The following OPCML variants were observed in gnomAD, a reference collection of about 807,000 sequenced individuals.
The protein encoded by OPCML is opioid-binding protein/cell adhesion molecule.
Under a neutral mutation model 37.8 loss-of-function variants are expected in OPCML, and 13 were observed. That is an observed-to-expected ratio of 0.34 (90% CI 0.22 to 0.55). The LOEUF (loss-of-function observed/expected upper bound fraction) is 0.55, where lower values mean the gene tolerates loss of function less well. Among genes scored for constraint, OPCML ranks in the 20% least tolerant of loss-of-function variants. The pLI, the probability that OPCML is intolerant of heterozygous loss-of-function variation, is 0.91. For synonymous variants in OPCML, 176 were observed against 168.8 expected, an observed-to-expected ratio of 1.04 and a Z score of -0.33; for missense variants, 341 against 435.6, an observed-to-expected ratio of 0.78 and a Z score of 1.93.
At chr11:132,491,623 G>T (rs770012930) in intron 4 of OPCML, among the ~76,000 whole-genome samples, 14 of 152,144 alleles carry the variant, frequency 9.2e-5, no homozygotes, top group Non-Finnish European at 1.8e-4. Flanking sequence ...ATTAATCATT[G>T]CCTGAAACTA....
intron 1 of OPCML, among the ~76,000 whole-genome samples, chr11:133,140,921 ACGACGACGACGAAGAAGAAGAAGACGAC>A (rs1949791614): frequency 5.2e-5 from 1 of 19,278 alleles, no homozygotes; most frequent in African/African-American, 9.6e-5. Context: ...GAAGAAGAAG[ACGACGACGACGAAGAAGAAGAAGACGAC>A]GAAGAAGAAG....
At chr11:133,488,118 A>C (rs757506154) in intron 1 of OPCML, among the ~76,000 whole-genome samples, 21 of 152,204 alleles carry the variant, frequency 1.4e-4, no homozygotes, top group Non-Finnish European at 2.4e-4. Context: ...ACACACCTCA[A>C]CATAATAAAG....
intron 1 of OPCML, among the ~76,000 whole-genome samples, chr11:133,390,224 C>T (rs967644354): frequency 6.6e-6 from 1 of 152,160 alleles, no homozygotes; most frequent in Non-Finnish European, 1.5e-5. Flanking sequence ...TTTTGGGAGG[C>T]CGAGGCGGAC....
At chr11:133,004,060 C>T (rs536586337) in intron 1 of OPCML, 19 of 985,354 alleles carry the variant, frequency 1.9e-5, no homozygotes, top group African/African-American at 1.2e-4. Context: ...AAGGAGGAAG[C>T]GAAGAGGCAA....
In OPCML at chr11:133,030,814, A is replaced by G. The variant is rs144025336; in HGVS notation, c.62-87804T>C. Among the ~76,000 whole-genome samples the G allele has an allele frequency of 7.9e-3, 1,201 of 152,198 alleles. 6 individuals carry two copies. Among genetic ancestry groups the G allele is most frequent in the Admixed American group, 0.013 (200 of 15,284 alleles). On this transcript the variant is annotated intron_variant, in intron 1 of 7. Transcript: ENST00000524381. Reference sequence around the variant, plus strand: ...TGAACTCCTGCCATTTTTTTCCTTAATGAATTTCACCCTACCAAGAAGGGG... The same window carrying G: ...TGAACTCCTGCCATTTTTTTCCTTAGTGAATTTCACCCTACCAAGAAGGGG...
In OPCML at chr11:133,422,381, A is replaced by G; in HGVS notation, c.61+109883T>C. ...TTTTCTCTCAGACCAAAGACATTAT[A>G]TATATATATATATGTATATATGCGC... is the stretch of plus-strand genomic sequence containing the variant. On this transcript the variant is annotated intron_variant, in intron 1 of 7. Transcript: ENST00000524381. The G allele has an allele frequency of 4.3e-6, 4 of 923,916 alleles. 1 individual carries two copies. The South Asian group carries it at 2.0e-4, about 46-fold the overall frequency. 57.2% of individuals were successfully genotyped at this position (923,916 alleles called of 1,614,324 possible).
intron 1 of OPCML, among the ~76,000 whole-genome samples, chr11:132,952,200 A>T (rs1212745976): frequency 6.6e-6 from 1 of 152,166 alleles, no homozygotes; most frequent in East Asian, 1.9e-4. Flanking sequence ...ATGGTGGCTT[A>T]GCTTGAAGAA....
chr11:133,198,588 G>T (rs1206528409), intron 1 of OPCML, among the ~76,000 whole-genome samples: 1 of 152,240 alleles, frequency 6.6e-6, no homozygotes, highest in East Asian at 1.9e-4. Flanking sequence ...CAAGAGGGCA[G>T]CATGGGAACA....
chr11:133,027,489 G>GTGTA lies in OPCML; in HGVS notation c.62-84480_62-84479insTACA, dbSNP rs552362808. Reference sequence around the variant, plus strand: ...CTATGTAGTGTGTGTGTGTGTGTGTGTTGTGTGTGTGTGTGTGTAGTGCGG... The same window carrying GTGTA: ...CTATGTAGTGTGTGTGTGTGTGTGTGTGTATTGTGTGTGTGTGTGTGTAGTGCGG... On this transcript the variant is annotated intron_variant, in intron 1 of 7. Transcript: ENST00000524381. Among the ~76,000 whole-genome samples, 400 of 148,246 alleles carry GTGTA rather than the reference G, an allele frequency of 2.7e-3. 2 individuals are homozygous for GTGTA. The highest frequency in any genetic ancestry group is 3.6e-3 in the Admixed American group (54 of 14,916).
At chr11:133,513,129 A>T (rs1444449731) in intron 1 of OPCML, among the ~76,000 whole-genome samples, 6 of 152,134 alleles carry the variant, frequency 3.9e-5, no homozygotes, top group African/African-American at 1.4e-4. Context: ...ATATGAAGAG[A>T]GATGCACCAT....
intron 2 of OPCML, among the ~76,000 whole-genome samples, chr11:132,830,267 C>T (rs762849321): frequency 3.3e-5 from 5 of 152,138 alleles, no homozygotes; most frequent in African/African-American, 4.8e-5. Context: ...TTAAACCATG[C>T]CAACTTCTCT....
intron 1 of OPCML, among the ~76,000 whole-genome samples, chr11:133,129,015 G>C (rs1477796889): frequency 6.6e-6 from 1 of 152,172 alleles, no homozygotes; most frequent in Non-Finnish European, 1.5e-5. Context: ...AGGTCCGCGA[G>C]AGCTGGAAAA....
At chr11:132,667,616 A>G (rs1488710380) in intron 2 of OPCML, among the ~76,000 whole-genome samples, 2 of 152,264 alleles carry the variant, frequency 1.3e-5, no homozygotes, top group South Asian at 2.1e-4. Context: ...TATCTGCTCT[A>G]TAAGAGAAGA....
At chr11:132,617,943 C>A (rs527918295) in intron 3 of OPCML, among the ~76,000 whole-genome samples, 1 of 152,194 alleles carries the variant, frequency 6.6e-6, no homozygotes, top group African/African-American at 2.4e-5. Context: ...TTTGGGTGAA[C>A]CTAATTCAGT....
chr11:132,569,082 C>T (rs1399443203), intron 3 of OPCML, among the ~76,000 whole-genome samples: 1 of 152,210 alleles, frequency 6.6e-6, no homozygotes, highest in African/African-American at 2.4e-5. Flanking sequence ...TCGGCACTCG[C>T]CTGCGGTCGG....
chr11:132,437,312 T>A lies in OPCML; in HGVS notation c.553A>T (p.Ile185Phe). Residue 185 changes from isoleucine (I) to phenylalanine (F), a missense_variant, in exon 5 of 8, where the codon ATC becomes TTC. Ile to Phe is a conservative substitution (Grantham distance 21). Coordinates refer to ENST00000524381, the MANE Select transcript of OPCML (RefSeq NM_001012393.5). ...SEDEYLEISD[I>F]KRDQSGEYEC... The stretch of plus-strand genomic sequence containing the variant: ...TACTCCCCGGACTGGTCTCGCTTGA[T>A]GTCAGAGATCTCCAGGTACTCATCC... 1 of 1,614,240 alleles carries A rather than the reference T, an allele frequency of 6.2e-7. No individual in the cohort carries two copies. Among genetic ancestry groups the A allele is most frequent in the Non-Finnish European group, 8.5e-7 (1 of 1,180,050 alleles).
intron 4 of OPCML, among the ~76,000 whole-genome samples, chr11:132,491,783 G>A (rs2096216616): frequency 1.3e-5 from 2 of 152,212 alleles, no homozygotes; most frequent in East Asian, 3.9e-4. Flanking sequence ...GTGGAGGAGG[G>A]TGGATCTTCA....
At chr11:133,249,819 T>C (rs966107441) in intron 1 of OPCML, among the ~76,000 whole-genome samples, 1 of 152,182 alleles carries the variant, frequency 6.6e-6, no homozygotes, top group Admixed American at 6.5e-5. Context: ...GATTATTAAT[T>C]TTTCCAAATA....
chr11:133,059,819 C>A (rs1379025339), intron 1 of OPCML, among the ~76,000 whole-genome samples: 1 of 152,168 alleles, frequency 6.6e-6, no homozygotes, highest in Non-Finnish European at 1.5e-5. Context: ...GGGTACTTGG[C>A]AGCCATTTTC....
Sources: allele counts gnomAD v4.1 joint callset (sites outside exome capture counted in the v4.1 genomes callset), GRCh38; gene constraint gnomAD v4.1.1; transcripts MANE v1.5; gene names NCBI Gene and HGNC (gene_info 2026-07-23, HGNC 2026-07-21).